The following DIP2C variants were observed in gnomAD, a reference collection of about 807,000 sequenced individuals.
DIP2C encodes disco-interacting protein 2 homolog C.
A neutral mutation model predicts 192.4 loss-of-function variants in DIP2C; 33 were observed. That is an observed-to-expected ratio of 0.17 (90% CI 0.13 to 0.23). DIP2C has a LOEUF of 0.23. DIP2C is among the 10% of genes least tolerant of loss of function. The pLI is 1.00. For synonymous variants in DIP2C, 979 were observed against 864.1 expected (o/e 1.13, Z -2.33); for missense variants, 1,537 against 2,110.1 (o/e 0.73, Z 5.32).
At chr10:603,256 G>C (rs905021964) in intron 1 of DIP2C, among the ~76,000 whole-genome samples, 1 of 130,888 alleles carries the variant, frequency 7.6e-6, no homozygotes, top group Non-Finnish European at 1.5e-5. Context: ...CCGAGGCTGC[G>C]CCACTGTACT....
chr10:607,396 G>A (rs754695864), intron 1 of DIP2C, among the ~76,000 whole-genome samples: 3 of 152,124 alleles, frequency 2.0e-5, no homozygotes, highest in South Asian at 4.1e-4. Flanking sequence ...TCCAGGAGCC[G>A]CCTACATGAG....
intron 4 of DIP2C, among the ~76,000 whole-genome samples, chr10:440,221 C>T (rs1306281635): frequency 6.6e-6 from 1 of 152,182 alleles, no homozygotes. Flanking sequence ...TGGGCTATTA[C>T]CTTCAGTAAT....
chr10:601,795 G>C (rs77850779), intron 1 of DIP2C, among the ~76,000 whole-genome samples: 4,975 of 152,312 alleles, frequency 0.033, 269 homozygotes, highest in African/African-American at 0.11. Flanking sequence ...AAGCGGCTGG[G>C]GACGCAGGCG....
chr10:548,067 T>C (rs945029565), intron 1 of DIP2C, among the ~76,000 whole-genome samples: 1 of 152,214 alleles, frequency 6.6e-6, no homozygotes, highest in Admixed American at 6.5e-5. Context: ...GTGCTTGTGT[T>C]GCCTCATTGG....
chr10:595,904 AAACT>A (rs1302652434), intron 1 of DIP2C, among the ~76,000 whole-genome samples: 2 of 151,548 alleles, frequency 1.3e-5, no homozygotes, highest in East Asian at 1.9e-4. Flanking sequence ...GATGGTTAAC[AAACT>A]AACTGTTCTG....
At chr10:324,876 T>C (rs577382164) in intron 31 of DIP2C, 1 of 516,702 alleles carries the variant, frequency 1.9e-6, no homozygotes, top group East Asian at 5.5e-5. Context: ...TCTGTCCCTT[T>C]CCTGCGCTGT....
At position 323,531 on chromosome 10, in the gene DIP2C, C is replaced by T. The variant is rs117493415; in HGVS notation, c.3924+3475G>A. Among the ~76,000 whole-genome samples the T allele has an allele frequency of 7.1e-3, 1,076 of 151,640 alleles. 5 individuals are homozygous for T. The highest frequency in any genetic ancestry group is 0.01 in the Non-Finnish European group (687 of 67,582). ...TCCACACTCACTCACGATGCTGCTGCTTCAAACTGAAAGCTACATTTTTCA... is the reference window on the plus strand; with the variant it reads ...TCCACACTCACTCACGATGCTGCTGTTTCAAACTGAAAGCTACATTTTTCA... On this transcript the variant is annotated intron_variant, in intron 31 of 36. Transcript: ENST00000280886.
intron 1 of DIP2C, among the ~76,000 whole-genome samples, chr10:600,609 G>GAC (rs1852005455): frequency 2.0e-5 from 3 of 151,924 alleles, no homozygotes; most frequent in East Asian, 3.9e-4. Flanking sequence ...CCTTAAAGAG[G>GAC]GTTTCCGGAT....
intron 1 of DIP2C, chr10:665,196 A>G (rs1204463137): frequency 6.6e-6 from 1 of 152,152 alleles, no homozygotes; most frequent in Non-Finnish European, 1.5e-5. Context: ...ACCCTAATTT[A>G]TTTTTTGCTT....
chr10:314,986 T>C (rs926203225), intron 31 of DIP2C, among the ~76,000 whole-genome samples: 5 of 152,372 alleles, frequency 3.3e-5, no homozygotes, highest in Middle Eastern at 3.4e-3. Flanking sequence ...TGTTGGTTCT[T>C]TACTTGTCCC....
intron 1 of DIP2C, among the ~76,000 whole-genome samples, chr10:555,280 T>A (rs1848791319): frequency 6.6e-6 from 1 of 152,136 alleles, no homozygotes; most frequent in Non-Finnish European, 1.5e-5. Context: ...TGCTGTTTTA[T>A]TGTTTTTCAG....
intron 1 of DIP2C, among the ~76,000 whole-genome samples, chr10:496,705 ATG>A (rs1279947279): frequency 6.7e-6 from 1 of 150,268 alleles, no homozygotes; most frequent in African/African-American, 2.5e-5. Context: ...ACCCCAAACA[ATG>A]TGAGTGCTGA....
chr10:280,278 C>G (rs1954746586), intron 36 of DIP2C, among the ~76,000 whole-genome samples: 1 of 152,314 alleles, frequency 6.6e-6, no homozygotes, highest in African/African-American at 2.4e-5. Flanking sequence ...GAGGAAGGAA[C>G]AATCTCAGAA....
chr10:445,632 AT>A lies in DIP2C; in HGVS notation c.269-4637del, dbSNP rs1968120279. Among the ~76,000 whole-genome samples the A allele has an allele frequency of 4.5e-5, 5 of 112,166 alleles. No individual in the cohort carries two copies. The South Asian group carries it at 1.2e-3, about 26-fold the overall frequency. 73.6% of individuals were successfully genotyped at this position (112,166 alleles called of 152,430 possible). A position where few individuals can be genotyped will look rare whatever the true frequency, so the allele number is the denominator to read the frequency against. On this transcript the variant is annotated intron_variant, in intron 3 of 36. Coordinates refer to ENST00000280886, the MANE Select transcript of DIP2C (RefSeq NM_014974.3). ...TGTATACAACTGTTGCGAAGAGTCT[AT>A]CTTGCACTGGGCATCTGTATACATC...
At chr10:644,436 C>T (rs1052090903) in intron 1 of DIP2C, among the ~76,000 whole-genome samples, 1 of 152,284 alleles carries the variant, frequency 6.6e-6, no homozygotes, top group Admixed American at 6.5e-5. Flanking sequence ...GAGAAGGAAA[C>T]GATCCCATCA....
intron 1 of DIP2C, among the ~76,000 whole-genome samples, chr10:653,229 A>G (rs1856061877): frequency 6.6e-6 from 1 of 152,136 alleles, no homozygotes; most frequent in Non-Finnish European, 1.5e-5. Flanking sequence ...TGGGCAGATC[A>G]CTTGAGGTCA....
intron 3 of DIP2C, among the ~76,000 whole-genome samples, chr10:460,149 A>G (rs892628891): frequency 1.3e-5 from 2 of 152,236 alleles, no homozygotes; most frequent in Admixed American, 1.3e-4. Context: ...GGCATGCTGC[A>G]CATGAGCTCT....
At chr10:493,556 G>T (rs986863225) in intron 1 of DIP2C, among the ~76,000 whole-genome samples, 1 of 152,142 alleles carries the variant, frequency 6.6e-6, no homozygotes, top group Non-Finnish European at 1.5e-5. Flanking sequence ...ATGGCCCGCC[G>T]CCTGCTGTGG....
At chr10:407,365 T>TG (rs200961847) in intron 9 of DIP2C, among the ~76,000 whole-genome samples, 295 of 152,312 alleles carry the variant, frequency 1.9e-3, no homozygotes, top group East Asian at 0.013. Flanking sequence ...TTCCACCATT[T>TG]GGTTGTGTGA....
Sources: allele counts gnomAD v4.1 joint callset (sites outside exome capture counted in the v4.1 genomes callset), GRCh38; gene constraint gnomAD v4.1.1; transcripts MANE v1.5; gene names NCBI Gene and HGNC (gene_info 2026-07-23, HGNC 2026-07-21).